The following PCDHAC2 variants were observed in gnomAD, a reference collection of about 807,000 sequenced individuals.
PCDHAC2 encodes protocadherin alpha-C2.
Under a neutral mutation model 63.3 loss-of-function variants are expected in PCDHAC2, and 24 were observed. That is an observed-to-expected ratio of 0.38 (90% CI 0.27 to 0.53). The LOEUF (loss-of-function observed/expected upper bound fraction) is 0.53, where lower values mean the gene tolerates loss of function less well. PCDHAC2 is among the 20% of genes least tolerant of loss of function. The pLI is 0.81. For synonymous variants in PCDHAC2, 569 were observed against 529.4 expected (o/e 1.07, Z -1.03); for missense variants, 1,181 against 1,275.2 (o/e 0.93, Z 1.12).
intron 3 of PCDHAC2, among the ~76,000 whole-genome samples, chr5:140,986,213 C>G (rs1554247816): frequency 6.6e-6 from 1 of 152,208 alleles, no homozygotes. Context: ...TTACTGGCCC[C>G]TTTCTCTAGC....
chr5:141,010,031 A>G lies in PCDHAC2; in HGVS notation c.*94A>G, dbSNP rs113710382. The stretch of plus-strand genomic sequence containing the variant: ...TTCCCTGCTCCTTTTTCCTATCTAC[A>G]TGAGCCCTCTTAGAGACCTCAGAAA... On this transcript the variant is annotated 3_prime_UTR_variant, in exon 4 of 4. Transcript: ENST00000289269. 1.9e-6 allele frequency: 3 copies of G among 1,581,690 alleles called. No individual in the cohort carries two copies. The highest frequency in any genetic ancestry group is 2.6e-6 in the Non-Finnish European group (3 of 1,166,446).
intron 3 of PCDHAC2, among the ~76,000 whole-genome samples, chr5:141,000,412 TATATA>T (rs2097919858): frequency 7.8e-5 from 8 of 102,770 alleles, no homozygotes; most frequent in African/African-American, 2.3e-4. Flanking sequence ...TATATATATA[TATATA>T]TATATTTTTT....
At chr5:140,977,559 A>G (rs1383080307) in intron 1 of PCDHAC2, among the ~76,000 whole-genome samples, 2 of 152,204 alleles carry the variant, frequency 1.3e-5, no homozygotes. Context: ...ATATCTTGCT[A>G]GCAGATTGGT....
At chr5:141,009,501 C>G in intron 3 of PCDHAC2, 126 bp from the exon 4 acceptor site, 2 of 1,492,598 alleles carry the variant, frequency 1.3e-6, no homozygotes, top group Non-Finnish European at 1.8e-6. Context: ...CAGACTTGAA[C>G]AAACAACTCG....
chr5:140,993,906 C>T (rs1245923228), intron 3 of PCDHAC2, among the ~76,000 whole-genome samples: 1 of 152,088 alleles, frequency 6.6e-6, no homozygotes, highest in Non-Finnish European at 1.5e-5. Flanking sequence ...AACAAAAATG[C>T]CTAGTGATGC....
chr5:140,967,298 G>A lies in PCDHAC2; in HGVS notation c.532G>A (p.Gly178Ser). ...HIESAQDPDV[G>S]ANSVQTYELS... is the part of the protein sequence containing the mutation. ...AGAGAGTGCGCAGGACCCCGACGTG[G>A]GCGCCAACTCAGTACAGACCTACGA... The change falls in exon 1 of 4, where the codon GGC becomes AGC. Residue 178 changes from glycine (G) to serine (S), a missense_variant. By Grantham distance (56) the Gly-to-Ser change is moderately conservative. Coordinates refer to ENST00000289269, the MANE Select transcript of PCDHAC2 (RefSeq NM_018899.6). 6.2e-7 allele frequency: 1 copy of A among 1,612,692 alleles called. No homozygotes were observed. Among genetic ancestry groups the A allele is most frequent in the Non-Finnish European group, 8.5e-7 (1 of 1,179,352 alleles).
At position 140,966,914 on chromosome 5, in the gene PCDHAC2, G is replaced by A; in HGVS notation, c.148G>A (p.Glu50Lys). The A allele has an allele frequency of 6.2e-7, 1 of 1,602,270 alleles. No individual in the cohort carries two copies. The highest frequency in any genetic ancestry group is 8.5e-7 in the Non-Finnish European group (1 of 1,177,876). ...CTCCCAGCTGCGATACTCTGTGCCA[G>A]AGGAGCAGGCACCCGGCGCGCTCGT... Reference protein sequence around the residue: ...AASQLRYSVPEEQAPGALVGN... With the variant: ...AASQLRYSVPKEQAPGALVGN... The change falls in exon 1 of 4, where the codon GAG becomes AAG. Residue 50 changes from glutamate (E) to lysine (K), a missense_variant. By Grantham distance (56) the Glu-to-Lys change is moderately conservative. Around this residue, in one of 3 missense-constraint regions of PCDHAC2, gnomAD observed 210 missense variants for 184.9 expected, o/e 1.14. Coordinates refer to ENST00000289269, the MANE Select transcript of PCDHAC2 (RefSeq NM_018899.6).
In PCDHAC2 at chr5:141,011,040, A is replaced by G. The variant is rs1467029720; in HGVS notation, c.*1103A>G. On this transcript the variant is annotated 3_prime_UTR_variant, in exon 4 of 4. Transcript: ENST00000289269. ...AATCACAGCTTTACTCTTTCAGGTCACTCTGGGGCTGCCTCTTGCATGTAT... is the reference window on the plus strand; with the variant it reads ...AATCACAGCTTTACTCTTTCAGGTCGCTCTGGGGCTGCCTCTTGCATGTAT... 1 of 153,602 alleles carries G rather than the reference A, an allele frequency of 6.5e-6. No homozygotes were observed. The highest frequency in any genetic ancestry group is 2.4e-5 in the African/African-American group (1 of 41,374). The allele number at this position is 153,602 out of a possible 1,614,324, so 9.5% of individuals were successfully genotyped here.
At chr5:141,003,510 A>C (rs1468305070) in intron 3 of PCDHAC2, among the ~76,000 whole-genome samples, 1 of 152,070 alleles carries the variant, frequency 6.6e-6, no homozygotes, top group African/African-American at 2.4e-5. Context: ...ATGGGGTTTC[A>C]CCATGTTCCC....
rs139625618 is a variant in PCDHAC2 at position 141,008,025 on chromosome 5, T to C, written c.2714-1602T>C. 1.8e-3 allele frequency among the ~76,000 whole-genome samples: 273 copies of C among 152,354 alleles called. 1 individual carries two copies. Among genetic ancestry groups the C allele is most frequent in the Middle Eastern group, 6.8e-3 (2 of 294 alleles). Reference sequence around the variant, plus strand: ...TAAACTTCTGTTTCCTTTTTTTTCTTGTTAATCTGCCTTTTGTAACAGGGG... The same window carrying C: ...TAAACTTCTGTTTCCTTTTTTTTCTCGTTAATCTGCCTTTTGTAACAGGGG... On this transcript the variant is annotated intron_variant, in intron 3 of 3. Transcript: ENST00000289269.
At chr5:140,978,424 TCA>T (rs2096801674) in intron 1 of PCDHAC2, among the ~76,000 whole-genome samples, 1 of 152,238 alleles carries the variant, frequency 6.6e-6, no homozygotes, top group Non-Finnish European at 1.5e-5. Flanking sequence ...GAGACTGTTA[TCA>T]GTTGCTGGTG....
Position 140,996,044 on chromosome 5 carries a change from A to G in PCDHAC2, c.2713+13481A>G, listed in dbSNP as rs569475149. Among the ~76,000 whole-genome samples, 13 of 152,366 alleles carry G rather than the reference A, an allele frequency of 8.5e-5. No homozygotes were observed. The South Asian group carries it at 1.9e-3, about 22-fold the overall frequency. Reference sequence around the variant, plus strand: ...GTTTAATGCTCCTAGCACTTAACACAGTGCTTGGCACACAGTAAAGAGGAT... The same window carrying G: ...GTTTAATGCTCCTAGCACTTAACACGGTGCTTGGCACACAGTAAAGAGGAT... On this transcript the variant is annotated intron_variant, in intron 3 of 3. Coordinates refer to ENST00000289269, the MANE Select transcript of PCDHAC2 (RefSeq NM_018899.6).
In PCDHAC2 at chr5:141,005,148, G is replaced by T. The variant is rs528805353; in HGVS notation, c.2714-4479G>T. The stretch of plus-strand genomic sequence containing the variant: ...AAGTGCCTCATTGGAGAGTTGTTTG[G>T]TCTGCTAAAGAGTGGGTACCACTTT... On this transcript the variant is annotated intron_variant, in intron 3 of 3. Transcript: ENST00000289269. 3.3e-5 allele frequency among the ~76,000 whole-genome samples: 5 copies of T among 152,328 alleles called. No individual in the cohort carries two copies. The South Asian group carries it at 1.0e-3, about 32-fold the overall frequency.
chr5:140,976,466 G>C (rs1404890940), intron 1 of PCDHAC2, among the ~76,000 whole-genome samples: 1 of 152,104 alleles, frequency 6.6e-6, no homozygotes, highest in African/African-American at 2.4e-5. Flanking sequence ...AAGAAGAATT[G>C]CTTGAATCCG....
intron 3 of PCDHAC2, among the ~76,000 whole-genome samples, chr5:140,998,871 A>C (rs1554256499): frequency 6.6e-6 from 1 of 152,200 alleles, no homozygotes; most frequent in African/African-American, 2.4e-5. Flanking sequence ...CTTGTAAATA[A>C]TAAGTTTAGT....
intron 1 of PCDHAC2, among the ~76,000 whole-genome samples, chr5:140,974,994 A>G (rs901871984): frequency 6.6e-6 from 1 of 152,126 alleles, no homozygotes; most frequent in South Asian, 2.1e-4. Context: ...AGGTATTCTC[A>G]AGGCTGAAAT....
At chr5:141,000,238 G>T (rs111531743) in intron 3 of PCDHAC2, among the ~76,000 whole-genome samples, 3 of 151,558 alleles carry the variant, frequency 2.0e-5, no homozygotes, top group African/African-American at 7.3e-5. Flanking sequence ...GCTGAATGTG[G>T]TGGCTGACAC....
At chr5:140,972,096 A>G (rs2096519185) in intron 1 of PCDHAC2, among the ~76,000 whole-genome samples, 1 of 152,168 alleles carries the variant, frequency 6.6e-6, no homozygotes. Context: ...AATTTCTGGC[A>G]TAGAAGCAGG....
At chr5:140,975,475 A>G (rs546732390) in intron 1 of PCDHAC2, among the ~76,000 whole-genome samples, 5 of 152,368 alleles carry the variant, frequency 3.3e-5, no homozygotes, top group African/African-American at 1.2e-4. Flanking sequence ...TCTGCCTATC[A>G]GTTTATATCA....
Sources: gnomAD v4.1 joint callset for allele counts (sites outside exome capture counted in the v4.1 genomes callset) on GRCh38, gnomAD v4.1.1 for gene constraint, gnomAD v4.1.1 regional missense constraint, MANE v1.5 for transcripts, NCBI Gene and HGNC (gene_info 2026-07-23, HGNC 2026-07-21) for gene names.